Variants in SSBP2 observed in about 807,000 individuals in gnomAD.
SSBP2 encodes single stranded DNA binding protein 2.
Under a neutral mutation model 61.8 loss-of-function variants are expected in SSBP2, and 17 were observed. The ratio of observed to expected loss-of-function variants is 0.28; its 90% CI spans 0.19 to 0.41. The LOEUF (loss-of-function observed/expected upper bound fraction) is 0.41, where lower values mean the gene tolerates loss of function less well. SSBP2 is among the 10% of genes least tolerant of loss of function. SSBP2 has a pLI of 1.00. For synonymous variants in SSBP2, 139 were observed against 141.3 expected (o/e 0.98, Z 0.12); for missense variants, 310 against 458.7 (o/e 0.68, Z 2.96).
chr5:81,629,136 G>A (rs972792156), intron 3 of SSBP2, among the ~76,000 whole-genome samples: 6 of 152,112 alleles, frequency 3.9e-5, no homozygotes, highest in Non-Finnish European at 7.4e-5. Context: ...AGAGGGGAAC[G>A]CCACCACATC....
At chr5:81,561,964 G>A (rs1773073179) in intron 4 of SSBP2, among the ~76,000 whole-genome samples, 1 of 152,124 alleles carries the variant, frequency 6.6e-6, no homozygotes, top group Admixed American at 6.5e-5. Flanking sequence ...GAGCGCAATG[G>A]CACAATCTTG....
chr5:81,460,626 G>A (rs938150452), intron 10 of SSBP2, among the ~76,000 whole-genome samples: 1 of 152,154 alleles, frequency 6.6e-6, no homozygotes, highest in Non-Finnish European at 1.5e-5. Context: ...CAGCAAGAAA[G>A]CAAACCTAGA....
rs1484391277 is a variant in SSBP2, at chr5:81,418,700, C to T, written c.*1804G>A. 1 of 152,160 alleles carries T rather than the reference C, an allele frequency of 6.6e-6. No individual in the cohort carries two copies. Among genetic ancestry groups the T allele is most frequent in the Non-Finnish European group, 1.5e-5 (1 of 68,022 alleles). The allele number at this position is 152,160 out of a possible 1,614,324, so 9.4% of individuals were successfully genotyped here. On this transcript the variant is annotated 3_prime_UTR_variant, in exon 17 of 17. Transcript: ENST00000320672. ...CAAACCTGTACAGCATGTTACTGTA[C>T]TGAATACCAAAGGCAACTGTAATAC... is the stretch of plus-strand genomic sequence containing the variant.
intron 5 of SSBP2, among the ~76,000 whole-genome samples, chr5:81,494,195 C>T (rs913693411): frequency 3.3e-5 from 5 of 152,128 alleles, no homozygotes; most frequent in African/African-American, 9.7e-5. Flanking sequence ...TTTGATAGAA[C>T]ATGTAGTGCT....
intron 5 of SSBP2, among the ~76,000 whole-genome samples, chr5:81,502,952 T>C (rs773461557): frequency 3.3e-5 from 5 of 152,158 alleles, no homozygotes; most frequent in African/African-American, 4.8e-5. Context: ...CATCTATTAA[T>C]ATAAGGCACT....
At chr5:81,599,295 A>C (rs367887414) in intron 4 of SSBP2, among the ~76,000 whole-genome samples, 1 of 152,260 alleles carries the variant, frequency 6.6e-6, no homozygotes, top group Non-Finnish European at 1.5e-5. Context: ...TATCATTCTT[A>C]GGCTCTTCAG....
At chr5:81,477,876 A>G (rs939691804) in intron 6 of SSBP2, among the ~76,000 whole-genome samples, 2 of 152,228 alleles carry the variant, frequency 1.3e-5, no homozygotes, top group Admixed American at 6.5e-5. Flanking sequence ...TGATAAAGTC[A>G]TAAGAATGAA....
chr5:81,551,096 G>GAAAAAAAAAAAAA (rs35816072), intron 4 of SSBP2, among the ~76,000 whole-genome samples: 6 of 80,208 alleles, frequency 7.5e-5, no homozygotes, highest in Non-Finnish European at 1.0e-4. Context: ...ACTCCATCTC[G>GAAAAAAAAAAAAA]AAAAAAAAAA....
intron 16 of SSBP2, among the ~76,000 whole-genome samples, chr5:81,425,706 G>C (rs1181400240): frequency 6.6e-6 from 1 of 151,750 alleles, no homozygotes; most frequent in East Asian, 1.9e-4. Flanking sequence ...TGAAATAAAG[G>C]GTCTTGGTTG....
chr5:81,429,249 T>C (rs1440560673), intron 15 of SSBP2, among the ~76,000 whole-genome samples: 2 of 152,226 alleles, frequency 1.3e-5, no homozygotes, highest in Non-Finnish European at 2.9e-5. Flanking sequence ...GAATTTATTA[T>C]GTACTCTTAG....
chr5:81,662,643 A>G (rs866704309), intron 1 of SSBP2, among the ~76,000 whole-genome samples: 1 of 151,980 alleles, frequency 6.6e-6, no homozygotes, highest in South Asian at 2.1e-4. Context: ...CTCTACTAAG[A>G]ATACAAAAAT....
chr5:81,729,958 T>C (rs562979544), intron 1 of SSBP2, among the ~76,000 whole-genome samples: 57 of 152,280 alleles, frequency 3.7e-4, no homozygotes, highest in Middle Eastern at 3.4e-3. Flanking sequence ...AAAATACCTA[T>C]TCTAAAGGAT....
chr5:81,636,689 T>A lies in SSBP2; in HGVS notation c.136-71A>T, dbSNP rs903676908. 5 of 1,141,198 alleles carry A rather than the reference T, an allele frequency of 4.4e-6. No homozygotes were observed. In the African/African-American group the frequency reaches 7.8e-5, roughly 18 times the overall value. 70.7% of individuals were successfully genotyped at this position (1,141,198 alleles called of 1,614,324 possible). ...CCACACATATTACAAAGTAATAATATCCCCATTTAAAATACTATAGTAATA... is the reference window on the plus strand; with the variant it reads ...CCACACATATTACAAAGTAATAATAACCCCATTTAAAATACTATAGTAATA... On this transcript the variant is annotated intron_variant, in intron 2 of 16. Transcript: ENST00000320672.
chr5:81,495,138 A>T (rs1767184766), intron 5 of SSBP2, among the ~76,000 whole-genome samples: 2 of 152,136 alleles, frequency 1.3e-5, no homozygotes, highest in Non-Finnish European at 2.9e-5. Flanking sequence ...AGAAGGAACC[A>T]GCTCTTTCTT....
At chr5:81,716,391 C>T (rs1230789881) in intron 1 of SSBP2, among the ~76,000 whole-genome samples, 1 of 152,024 alleles carries the variant, frequency 6.6e-6, no homozygotes, top group African/African-American at 2.4e-5. Flanking sequence ...AAAATTAAAT[C>T]AAAATTTAAA....
chr5:81,489,226 A>G (rs573937945), intron 6 of SSBP2, 24 bp downstream of exon 6: 10 of 1,590,002 alleles, frequency 6.3e-6, no homozygotes, highest in Admixed American at 1.7e-5. Flanking sequence ...CTTACAAAAA[A>G]CTTACATAGC....
At chr5:81,725,751 A>G (rs1270270082) in intron 1 of SSBP2, among the ~76,000 whole-genome samples, 2 of 152,196 alleles carry the variant, frequency 1.3e-5, no homozygotes, top group African/African-American at 2.4e-5. Flanking sequence ...AGTTTTAAAA[A>G]GTCTCAGATT....
At chr5:81,748,233 TA>T (rs1479325268) in intron 1 of SSBP2, among the ~76,000 whole-genome samples, 1 of 152,224 alleles carries the variant, frequency 6.6e-6, no homozygotes, top group Non-Finnish European at 1.5e-5. Flanking sequence ...ATGTTTTTGT[TA>T]AAATGAGTAT....
intron 4 of SSBP2, among the ~76,000 whole-genome samples, chr5:81,535,240 G>A (rs1770720072): frequency 6.6e-6 from 1 of 152,012 alleles, no homozygotes; most frequent in Admixed American, 6.6e-5. Flanking sequence ...AATTTTACAT[G>A]AGGAAAGCTA....
Sources: gnomAD v4.1 joint callset for allele counts (sites outside exome capture counted in the v4.1 genomes callset) on GRCh38, gnomAD v4.1.1 for gene constraint, MANE v1.5 for transcripts, NCBI Gene and HGNC (gene_info 2026-07-23, HGNC 2026-07-21) for gene names.